The following BANF2 variants were observed in gnomAD, a reference collection of about 807,000 sequenced individuals.
BANF2 encodes barrier-to-autointegration factor-like protein.
Under a neutral mutation model 8.0 loss-of-function variants are expected in BANF2, and 4 were observed. The ratio of observed to expected loss-of-function variants is 0.50; its 90% CI spans 0.25 to 1.14. BANF2 has a LOEUF of 1.14. Ranked by LOEUF, BANF2 falls within the 50% of genes most tolerant of loss-of-function variation. The probability of loss-of-function intolerance (pLI) is 0.16; values close to 1 mark genes in which losing one functional copy is unlikely to be tolerated. For synonymous variants in BANF2, 50 were observed against 40.6 expected, an observed-to-expected ratio of 1.23 and a Z score of -0.88; for missense variants, 96 against 107.5, an observed-to-expected ratio of 0.89 and a Z score of 0.47.
intron 1 of BANF2, among the ~76,000 whole-genome samples, chr20:17,702,723 G>A (rs1409810314): frequency 6.6e-6 from 1 of 152,156 alleles, no homozygotes; most frequent in Admixed American, 6.6e-5. Flanking sequence ...GGAATACTAA[G>A]CCCAAGAACA....
upstream of BANF2, among the ~76,000 whole-genome samples, chr20:17,699,003 G>A (rs1447035851): frequency 6.6e-6 from 1 of 152,200 alleles, no homozygotes; most frequent in Non-Finnish European, 1.5e-5. Flanking sequence ...AACGTCATGT[G>A]GGAACGTGTA....
chr20:17,726,612 T>C (rs1377073205), intron 3 of BANF2, among the ~76,000 whole-genome samples: 1 of 152,226 alleles, frequency 6.6e-6, no homozygotes, highest in Non-Finnish European at 1.5e-5. Context: ...TACACACATA[T>C]GTACACCTAT....
intron 1 of BANF2, among the ~76,000 whole-genome samples, chr20:17,711,339 C>T (rs567885436): frequency 1.8e-3 from 274 of 152,358 alleles, no homozygotes; most frequent in Admixed American, 3.3e-3. Flanking sequence ...ACAGTGGAGT[C>T]AGTTACAGAT....
chr20:17,705,988 T>A (rs566407103), intron 1 of BANF2, among the ~76,000 whole-genome samples: 1 of 152,314 alleles, frequency 6.6e-6, no homozygotes, highest in Admixed American at 6.5e-5. Flanking sequence ...AACCCCTGCC[T>A]GGGACATGCC....
intron 1 of BANF2, among the ~76,000 whole-genome samples, chr20:17,711,268 C>A (rs189362223): frequency 6.6e-6 from 1 of 152,222 alleles, no homozygotes; most frequent in East Asian, 1.9e-4. Flanking sequence ...CCGGGGCCCC[C>A]CTCCAGGGCC....
chr20:17,717,862 T>C (rs1482585218), intron 1 of BANF2, among the ~76,000 whole-genome samples: 2 of 152,156 alleles, frequency 1.3e-5, no homozygotes, highest in African/African-American at 2.4e-5. Flanking sequence ...TTCCCTGGGG[T>C]AGGCAATATC....
intron 1 of BANF2, among the ~76,000 whole-genome samples, chr20:17,721,750 CA>C (rs2037732677): frequency 6.6e-6 from 1 of 152,184 alleles, no homozygotes; most frequent in African/African-American, 2.4e-5. Context: ...GCTGTTCACA[CA>C]GAGTCATTGA....
At chr20:17,694,940 T>A (rs890341598) in intron 1 of BANF2, among the ~76,000 whole-genome samples, 4 of 151,956 alleles carry the variant, frequency 2.6e-5, no homozygotes, top group Non-Finnish European at 4.4e-5. Context: ...GCTTTGAACA[T>A]ACACTATCCT....
At chr20:17,694,528 A>G (rs577399939) in intron 1 of BANF2, among the ~76,000 whole-genome samples, 1 of 144,330 alleles carries the variant, frequency 6.9e-6, no homozygotes, top group African/African-American at 2.6e-5. Flanking sequence ...TTATTAATAT[A>G]TTGTGTGAAA....
chr20:17,715,004 C>T (rs2037630178), intron 1 of BANF2, among the ~76,000 whole-genome samples: 1 of 152,142 alleles, frequency 6.6e-6, no homozygotes, highest in Admixed American at 6.5e-5. Flanking sequence ...AGAGACAAAA[C>T]ATAGGAAGGA....
intron 3 of BANF2, chr20:17,731,538 A>C (rs2037893549): frequency 6.6e-6 from 1 of 152,024 alleles, no homozygotes; most frequent in African/African-American, 2.4e-5. Context: ...ATAAGTGTGG[A>C]TCTCAGCCAG....
chr20:17,728,717 G>A (rs1348830653), intron 3 of BANF2, among the ~76,000 whole-genome samples: 2 of 152,034 alleles, frequency 1.3e-5, no homozygotes, highest in African/African-American at 2.4e-5. Flanking sequence ...AAGCCTCTTC[G>A]GGAGCTTAAA....
At chr20:17,693,742 G>T in intron 1 of BANF2, 4 of 1,550,580 alleles carry the variant, frequency 2.6e-6, no homozygotes, top group Non-Finnish European at 3.5e-6. Flanking sequence ...TGCTCACGGT[G>T]GGGAAGAGAC....
upstream of BANF2, among the ~76,000 whole-genome samples, chr20:17,697,246 C>G (rs1600207911): frequency 6.6e-6 from 1 of 152,266 alleles, no homozygotes; most frequent in East Asian, 1.9e-4. Flanking sequence ...ATTCTTATTC[C>G]AGGAGGAATT....
chr20:17,722,300 T>C (rs1357569726), intron 1 of BANF2, among the ~76,000 whole-genome samples: 2 of 152,248 alleles, frequency 1.3e-5, no homozygotes. Flanking sequence ...GATGCATTGA[T>C]AGCAATGTTG....
At chr20:17,694,599 CTCTTTTTTTTTTTTTT>C (rs1370335303) in intron 1 of BANF2, among the ~76,000 whole-genome samples, 15,329 of 83,346 alleles carry the variant, frequency 0.18, 1,108 homozygotes, top group South Asian at 0.31. Flanking sequence ...TTTTTTCTCT[CTCTTTTTTTTTTTTTT>C]TTTTTTTTTT....
intron 1 of BANF2, among the ~76,000 whole-genome samples, chr20:17,721,207 C>T (rs904950471): frequency 6.6e-6 from 1 of 152,094 alleles, no homozygotes; most frequent in Non-Finnish European, 1.5e-5. Context: ...TTCCATAGCC[C>T]CATAGTGGTC....
At chr20:17,726,274 C>T (rs2037808451) in intron 3 of BANF2, among the ~76,000 whole-genome samples, 1 of 152,204 alleles carries the variant, frequency 6.6e-6, no homozygotes, top group Non-Finnish European at 1.5e-5. Flanking sequence ...CAACCTCTGC[C>T]TCCCAGGCTC....
At chr20:17,727,519 G>T (rs1429310458) in intron 3 of BANF2, among the ~76,000 whole-genome samples, 2 of 152,156 alleles carry the variant, frequency 1.3e-5, no homozygotes. Context: ...AAATTTGGGG[G>T]TGAGAGCCTG....
Sources: allele counts gnomAD v4.1 joint callset (sites outside exome capture counted in the v4.1 genomes callset), GRCh38; gene constraint gnomAD v4.1.1; transcripts MANE v1.5; gene names NCBI Gene and HGNC (gene_info 2026-07-23, HGNC 2026-07-21).